The following WDR72 variants were observed in gnomAD, a reference collection of about 807,000 sequenced individuals.
The protein encoded by WDR72 is WD repeat-containing protein 72.
WDR72 carries 120 observed loss-of-function variants against 124.2 expected under a neutral mutation model. The ratio of observed to expected loss-of-function variants is 0.97; its 90% CI spans 0.83 to 1.12. The LOEUF (loss-of-function observed/expected upper bound fraction) is 1.12. WDR72 is among the 50% of genes most tolerant of loss of function. The pLI is 0.00. For synonymous variants in WDR72, 452 were observed against 441.7 expected (o/e 1.02, Z -0.29); for missense variants, 1,387 against 1,278.8 (o/e 1.08, Z -1.29).
At chr15:53,646,033 G>A (rs1183491655) in intron 14 of WDR72, among the ~76,000 whole-genome samples, 22 of 152,166 alleles carry the variant, frequency 1.4e-4, no homozygotes, top group Admixed American at 1.3e-3. Flanking sequence ...ACAGGAATAA[G>A]GTGATGATGT....
intron 14 of WDR72, among the ~76,000 whole-genome samples, chr15:53,617,542 A>G (rs772959070): frequency 2.0e-5 from 3 of 151,746 alleles, no homozygotes; most frequent in Non-Finnish European, 4.4e-5. Flanking sequence ...AGAACAAATT[A>G]TAAGAGCAAA....
chr15:53,635,339 G>C (rs1473873037), intron 14 of WDR72, among the ~76,000 whole-genome samples: 1 of 152,144 alleles, frequency 6.6e-6, no homozygotes, highest in Non-Finnish European at 1.5e-5. Context: ...GAAAAACTCA[G>C]CTTATGGAGC....
chr15:53,688,024 A>G lies in WDR72; in HGVS notation c.1765+11726T>C, dbSNP rs1306114659. 8.9e-3 allele frequency among the ~76,000 whole-genome samples: 1,310 copies of G among 146,688 alleles called. 20 individuals are homozygous for G. Among genetic ancestry groups the G allele is most frequent in the African/African-American group, 0.033 (1,256 of 38,212 alleles). On this transcript the variant is annotated intron_variant, in intron 13 of 19. Coordinates refer to ENST00000360509, the MANE Select transcript of WDR72 (RefSeq NM_182758.4). ...ACAAAATTCAACAACCCTTCATGCTAAAAACTCTCAATAAATTAGGTATTG... is the reference window on the plus strand; with the variant it reads ...ACAAAATTCAACAACCCTTCATGCTGAAAACTCTCAATAAATTAGGTATTG...
At chr15:53,632,252 A>AG (rs961909579) in intron 14 of WDR72, among the ~76,000 whole-genome samples, 1 of 152,070 alleles carries the variant, frequency 6.6e-6, no homozygotes, top group African/African-American at 2.4e-5. Context: ...TGTGGCTCAA[A>AG]GGGGCCAAGA....
intron 13 of WDR72, among the ~76,000 whole-genome samples, chr15:53,689,951 TAAACTATCGCAAGA>T (rs1371097936): frequency 1.3e-5 from 2 of 150,332 alleles, no homozygotes; most frequent in Non-Finnish European, 3.0e-5. Context: ...TCATTCTCAG[TAAACTATCGCAAGA>T]ACAAAAAACC....
chr15:53,746,010 GA>G (rs901139463), intron 1 of WDR72, among the ~76,000 whole-genome samples: 13 of 152,026 alleles, frequency 8.6e-5, no homozygotes, highest in African/African-American at 2.9e-4. Context: ...TCTAAAAAAA[GA>G]AAAAAATCAA....
chr15:53,687,310 A>G (rs1411971241), intron 13 of WDR72, among the ~76,000 whole-genome samples: 253 of 146,092 alleles, frequency 1.7e-3, no homozygotes, highest in East Asian at 5.9e-3. Context: ...TTGATAGACC[A>G]CTAGCAAGAC....
At chr15:53,755,833 C>T (rs529334836) in intron 1 of WDR72, among the ~76,000 whole-genome samples, 114 of 152,328 alleles carry the variant, frequency 7.5e-4, no homozygotes, top group South Asian at 3.9e-3. Context: ...ATTACTGAAA[C>T]ATTCAGCTGG....
At chr15:53,729,065 T>C (rs969626517) in intron 2 of WDR72, among the ~76,000 whole-genome samples, 1 of 152,136 alleles carries the variant, frequency 6.6e-6, no homozygotes, top group Non-Finnish European at 1.5e-5. Context: ...TTATTCCTTA[T>C]GCAAATGAAT....
upstream of WDR72, chr15:53,762,635 C>G (rs1327386153): frequency 6.6e-6 from 1 of 152,292 alleles, no homozygotes. Flanking sequence ...CCCTCATCCC[C>G]AAGCCTTCAT....
rs576410075 is a variant in WDR72 at position 53,590,307 on chromosome 15, A to G, written c.3148+6772T>C. Among the ~76,000 whole-genome samples, 27 of 152,038 alleles carry G rather than the reference A, an allele frequency of 1.8e-4. No individual in the cohort carries two copies. The South Asian group carries it at 5.4e-3, about 30-fold the overall frequency. On this transcript the variant is annotated intron_variant, in intron 18 of 19. Coordinates refer to ENST00000360509, the MANE Select transcript of WDR72 (RefSeq NM_182758.4). Reference sequence around the variant, plus strand: ...ATGGCTTTTTCGGTTCCCAAAAGGAACCTTTTAAATTTTTAAGCAATAAAA... The same window carrying G: ...ATGGCTTTTTCGGTTCCCAAAAGGAGCCTTTTAAATTTTTAAGCAATAAAA...
intron 9 of WDR72, among the ~76,000 whole-genome samples, chr15:53,708,334 C>T (rs2017442569): frequency 1.3e-5 from 2 of 152,150 alleles, no homozygotes. Context: ...ATTTAGTGCA[C>T]CTCACTGTCT....
chr15:53,618,921 T>C (rs1595797898), intron 14 of WDR72, among the ~76,000 whole-genome samples: 1 of 152,064 alleles, frequency 6.6e-6, no homozygotes, highest in East Asian at 1.9e-4. Flanking sequence ...TCAACTCTTT[T>C]GTCTTTCTGT....
intron 14 of WDR72, among the ~76,000 whole-genome samples, chr15:53,617,984 G>A (rs1283570151): frequency 1.3e-5 from 2 of 151,886 alleles, no homozygotes; most frequent in Non-Finnish European, 2.9e-5. Context: ...GAAGGTGTGT[G>A]CTTTATGACA....
intron 18 of WDR72, among the ~76,000 whole-genome samples, chr15:53,581,582 T>C (rs1214798420): frequency 1.3e-5 from 2 of 152,104 alleles, no homozygotes; most frequent in East Asian, 3.9e-4. Flanking sequence ...AGATGGAAGT[T>C]ACTGATGAAC....
At chr15:53,592,847 A>C (rs1431538334) in intron 18 of WDR72, among the ~76,000 whole-genome samples, 2 of 152,154 alleles carry the variant, frequency 1.3e-5, no homozygotes, top group Non-Finnish European at 2.9e-5. Flanking sequence ...TAAAGCAATG[A>C]ATCTAAGCCT....
intron 13 of WDR72, among the ~76,000 whole-genome samples, chr15:53,689,951 TA>T (rs1408632567): frequency 6.7e-6 from 1 of 150,332 alleles, no homozygotes; most frequent in Non-Finnish European, 1.5e-5. Flanking sequence ...TCATTCTCAG[TA>T]AACTATCGCA....
chr15:53,748,881 C>T (rs114272601), intron 1 of WDR72, among the ~76,000 whole-genome samples: 1,694 of 152,226 alleles, frequency 0.011, 33 homozygotes, highest in African/African-American at 0.039. Flanking sequence ...CCTTTGTTTA[C>T]ATATATTTAG....
Position 53,704,816 on chromosome 15 carries a change from T to TTAA in WDR72, c.1348+171_1348+172insTTA, listed in dbSNP as rs1555425971. ...CAAAGTGCTAGGATTACAGGGAGTTTAAAAAAAAAAAAAAAACCTATATGT... is the reference window on the plus strand; with the variant it reads ...CAAAGTGCTAGGATTACAGGGAGTTTTAAAAAAAAAAAAAAAAAACCTATATGT... On this transcript the variant is annotated intron_variant, in intron 11 of 19. Transcript: ENST00000360509. Among the ~76,000 whole-genome samples, 30 of 136,162 alleles carry TTAA rather than the reference T, an allele frequency of 2.2e-4. 2 individuals carry two copies. Among genetic ancestry groups the TTAA allele is most frequent in the African/African-American group, 7.1e-4 (26 of 36,582 alleles). The allele number at this position is 136,162 out of a possible 152,430, so 89.3% of individuals were successfully genotyped here.
Sources: allele counts gnomAD v4.1 joint callset (sites outside exome capture counted in the v4.1 genomes callset), GRCh38; gene constraint gnomAD v4.1.1; transcripts MANE v1.5; gene names NCBI Gene and HGNC (gene_info 2026-07-23, HGNC 2026-07-21).